The following DGAT1 variants were observed in gnomAD, a reference collection of about 807,000 sequenced individuals.
The protein encoded by DGAT1 is diacylglycerol O-acyltransferase 1, also known as ACAT related gene product 1.
In DGAT1, 60 loss-of-function variants were observed where a neutral mutation model predicts 72.6. The ratio of observed to expected loss-of-function variants is 0.83; its 90% CI spans 0.67 to 1.02. The LOEUF (loss-of-function observed/expected upper bound fraction) is 1.02. DGAT1 is among the 50% of genes least tolerant of loss of function. The pLI, the probability that DGAT1 is intolerant of heterozygous loss-of-function variation, is 0.00. For missense variants in DGAT1, 592 were observed against 670.0 expected (o/e 0.88, Z 1.29); for synonymous variants, 290 against 267.5 (o/e 1.08, Z -0.82).
At chr8:144,320,673 A>T (rs1382652254) in intron 2 of DGAT1, among the ~76,000 whole-genome samples, 1 of 151,494 alleles carries the variant, frequency 6.6e-6, no homozygotes, top group African/African-American at 2.4e-5. Flanking sequence ...TGGCAGCCCC[A>T]CCCCACGAAG....
At chr8:144,323,684 C>T (rs1384100861) in intron 1 of DGAT1, among the ~76,000 whole-genome samples, 2 of 152,242 alleles carry the variant, frequency 1.3e-5, no homozygotes, top group Non-Finnish European at 2.9e-5. Flanking sequence ...GCCCTCCCTC[C>T]TGCAGCCCCC....
In DGAT1 at chr8:144,315,447, T is replaced by G. The variant is rs906444011; in HGVS notation, c.*1107A>C. The G allele has an allele frequency of 1.3e-5, 13 of 985,396 alleles. No homozygotes were observed. Among genetic ancestry groups the G allele is most frequent in the Admixed American group, 6.1e-5 (1 of 16,274 alleles). The allele number at this position is 985,396 out of a possible 1,614,324, so 61.0% of individuals were successfully genotyped here. A position where few individuals can be genotyped will look rare whatever the true frequency, so the allele number is the denominator to read the frequency against. On this transcript the variant is annotated 3_prime_UTR_variant, in exon 17 of 17. Transcript: ENST00000528718. ...CAGTCCTGGGACCCTGTGCAGGGCC[T>G]CCTCAAACACCTGCCTTGTTGGGCC...
At position 144,321,428 on chromosome 8, in the gene DGAT1, G is replaced by A; in HGVS notation, c.201-20C>T. On this transcript the variant is annotated intron_variant, in intron 1 of 16. Transcript: ENST00000528718. The stretch of plus-strand genomic sequence containing the variant: ...TGGCACCTGACAGAGCACAACACAA[G>A]CACCCCCTGAGTGGGCACCAGCAGG... 1 of 1,612,318 alleles carries A rather than the reference G, an allele frequency of 6.2e-7. No homozygotes were observed.
intron 1 of DGAT1, among the ~76,000 whole-genome samples, chr8:144,323,772 T>C (rs1554848458): frequency 6.6e-6 from 1 of 152,034 alleles, no homozygotes; most frequent in African/African-American, 2.4e-5. Context: ...CGCCACCCTG[T>C]CTCCAGGTTC....
At position 144,315,109 on chromosome 8, in the gene DGAT1, G is replaced by A; in HGVS notation, c.*1445C>T. The stretch of plus-strand genomic sequence containing the variant: ...GGGTTCTCCACTCAGCCTGGTGGAG[G>A]AAGGGAAGGGGGCCTGCGCTGGGCA... On this transcript the variant is annotated 3_prime_UTR_variant, in exon 17 of 17. Transcript: ENST00000528718. 7 of 985,546 alleles carry A rather than the reference G, an allele frequency of 7.1e-6. No homozygotes were observed. Among genetic ancestry groups the A allele is most frequent in the Non-Finnish European group, 7.2e-6 (6 of 829,966 alleles). 61.1% of individuals were successfully genotyped at this position (985,546 alleles called of 1,614,324 possible).
rs1817154661 is a variant in DGAT1 at position 144,315,136 on chromosome 8, T to C, written c.*1418A>G. 2.0e-6 allele frequency: 2 copies of C among 985,354 alleles called. No individual in the cohort carries two copies. The highest frequency in any genetic ancestry group is 2.4e-6 in the Non-Finnish European group (2 of 829,950). The allele number at this position is 985,354 out of a possible 1,614,324, so 61.0% of individuals were successfully genotyped here. ...AGGGAAGGGGGCCTGCGCTGGGCAG[T>C]GGAGCAGGCTTTGCTGCTTTATCTG... On this transcript the variant is annotated 3_prime_UTR_variant, in exon 17 of 17. Transcript: ENST00000528718.
At position 144,314,659 on chromosome 8, in the gene DGAT1, T is replaced by C. The variant is rs143150506; in HGVS notation, c.*1895A>G. 1.2e-4 allele frequency: 42 copies of C among 364,166 alleles called. No homozygotes were observed. The highest frequency in any genetic ancestry group is 3.2e-4 in the African/African-American group (16 of 49,516). 22.6% of individuals were successfully genotyped at this position (364,166 alleles called of 1,614,324 possible). A position where few individuals can be genotyped will look rare whatever the true frequency, so the allele number is the denominator to read the frequency against. ...CCCGCTCCACAGAGATACACAGATATATACACACAGTGGATGGACGGACAA... is the reference window on the plus strand; with the variant it reads ...CCCGCTCCACAGAGATACACAGATACATACACACAGTGGATGGACGGACAA... On this transcript the variant is annotated 3_prime_UTR_variant, in exon 17 of 17. Transcript: ENST00000528718.
Position 144,317,259 on chromosome 8 carries a change from G to A in DGAT1, c.1095-7C>T. ...GGTGACAGACTCGGAGTTCCTGGGG[G>A]CCAAGAGACCACAGGGGGATCAGAG... On this transcript the variant is annotated splice_polypyrimidine_tract_variant and splice_region_variant and intron_variant, in intron 13 of 16. Coordinates refer to ENST00000528718, the MANE Select transcript of DGAT1 (RefSeq NM_012079.6). 2.5e-6 allele frequency: 4 copies of A among 1,610,774 alleles called. No homozygotes were observed. In the East Asian group the frequency reaches 6.7e-5, roughly 27 times the overall value.
chr8:144,319,003 G>T (rs1179990693), intron 3 of DGAT1, 25 bp downstream of exon 3: 1 of 1,558,966 alleles, frequency 6.4e-7, no homozygotes, highest in Non-Finnish European at 8.7e-7. Context: ...GTGGGGCAGG[G>T]GTGGGACCTG....
Position 144,318,633 on chromosome 8 carries a change from G to A in DGAT1, c.468+66C>T, listed in dbSNP as rs1385930514. 7 of 1,604,184 alleles carry A rather than the reference G, an allele frequency of 4.4e-6. No individual in the cohort carries two copies. In the African/African-American group the frequency reaches 5.3e-5, roughly 12 times the overall value. On this transcript the variant is annotated intron_variant, in intron 5 of 16. Transcript: ENST00000528718. ...CTGGGAGAGGGCTGCCAGGCCTGGG[G>A]AGCAGCTCCTCCCAGGAGCGCACAC...
intron 5 of DGAT1, 64 bp from the exon 6 acceptor site, chr8:144,318,630 G>T: frequency 6.2e-7 from 1 of 1,603,866 alleles, no homozygotes. Flanking sequence ...TGCCAGGCCT[G>T]GGGAGCAGCT....
At position 144,326,830 on chromosome 8, in the gene DGAT1, G is replaced by A. The variant is rs956087727; in HGVS notation, c.-194C>T. The stretch of plus-strand genomic sequence containing the variant: ...CCCGTCGGCCTCAAGGACAACGGCT[G>A]CGTTGCTCCGGAGCCGCTAACTAAT... On this transcript the variant is annotated 5_prime_UTR_variant, in exon 1 of 17. Transcript: ENST00000528718. The A allele has an allele frequency of 1.0e-5, 3 of 292,508 alleles. No individual in the cohort carries two copies. Among genetic ancestry groups the A allele is most frequent in the Non-Finnish European group, 1.7e-5 (3 of 176,966 alleles). The allele number at this position is 292,508 out of a possible 1,614,324, so 18.1% of individuals were successfully genotyped here. A position where few individuals can be genotyped will look rare whatever the true frequency, so the allele number is the denominator to read the frequency against.
intron 3 of DGAT1, 21 bp from the exon 4 acceptor site, chr8:144,318,941 G>A: frequency 7.0e-7 from 1 of 1,434,270 alleles, no homozygotes; most frequent in Non-Finnish European, 9.4e-7. Context: ...AGGGATGGGG[G>A]TCTGAGTGGG....
intron 2 of DGAT1, among the ~76,000 whole-genome samples, chr8:144,320,268 G>A (rs1396977902): frequency 1.3e-5 from 2 of 152,240 alleles, no homozygotes; most frequent in African/African-American, 4.8e-5. Flanking sequence ...AGGGGTTGGG[G>A]AGAATACACA....
chr8:144,319,188 T>C, intron 2 of DGAT1, 120 bp from the exon 3 acceptor site: 1 of 1,166,606 alleles, frequency 8.6e-7, no homozygotes, highest in Non-Finnish European at 1.2e-6. Flanking sequence ...AGCCTCAGGC[T>C]TGCAGACCCA....
chr8:144,323,146 A>G (rs1028063609), intron 1 of DGAT1, among the ~76,000 whole-genome samples: 8 of 152,118 alleles, frequency 5.3e-5, no homozygotes, highest in African/African-American at 1.9e-4. Flanking sequence ...ACCACGACCT[A>G]CCAACCACAG....
chr8:144,325,604 C>T (rs1243923430), intron 1 of DGAT1, among the ~76,000 whole-genome samples: 1 of 152,214 alleles, frequency 6.6e-6, no homozygotes, highest in Non-Finnish European at 1.5e-5. Context: ...GGGGATTGCT[C>T]AAGGCCAGCT....
At chr8:144,325,437 C>T (rs894716265) in intron 1 of DGAT1, among the ~76,000 whole-genome samples, 33 of 152,166 alleles carry the variant, frequency 2.2e-4, no homozygotes, top group African/African-American at 8.0e-4. Context: ...AAGCTCTGTT[C>T]TTGCTCACTG....
chr8:144,316,116 A>C lies in DGAT1; in HGVS notation c.*438T>G. On this transcript the variant is annotated 3_prime_UTR_variant, in exon 17 of 17. Coordinates refer to ENST00000528718, the MANE Select transcript of DGAT1 (RefSeq NM_012079.6). Reference sequence around the variant, plus strand: ...TTTTCTAGGTAGGGGAGTGTGGGGAATGGGGGCGTCTGCCTGGCCTTGCAC... The same window carrying C: ...TTTTCTAGGTAGGGGAGTGTGGGGACTGGGGGCGTCTGCCTGGCCTTGCAC... 1 of 214,122 alleles carries C rather than the reference A, an allele frequency of 4.7e-6. No individual in the cohort carries two copies. Among genetic ancestry groups the C allele is most frequent in the Non-Finnish European group, 8.6e-6 (1 of 115,978 alleles). The allele number at this position is 214,122 out of a possible 1,614,324, so 13.3% of individuals were successfully genotyped here.
Sources: gnomAD v4.1 joint callset for allele counts (sites outside exome capture counted in the v4.1 genomes callset) on GRCh38, gnomAD v4.1.1 for gene constraint, MANE v1.5 for transcripts, NCBI Gene and HGNC (gene_info 2026-07-23, HGNC 2026-07-21) for gene names.